Variants in RPL7A observed in about 807,000 individuals in gnomAD.
RPL7A encodes ribosomal protein L7a.
For missense variants in RPL7A, 291 were observed against 338.2 expected, an observed-to-expected ratio of 0.86 and a Z score of 1.09; for synonymous variants, 158 against 128.2, an observed-to-expected ratio of 1.23 and a Z score of -1.57.
In RPL7A at chr9:133,349,117, C is replaced by G. The variant is rs2129983587; in HGVS notation, c.124+75C>G. The G allele has an allele frequency of 5.5e-5, 86 of 1,570,434 alleles. No individual in the cohort carries two copies. In the African/African-American group the frequency reaches 1.1e-3, roughly 20 times the overall value. On this transcript the variant is annotated intron_variant, in intron 2 of 7. Coordinates refer to ENST00000323345, the MANE Select transcript of RPL7A (RefSeq NM_000972.3). ...AGGTGGTAATTGGGTTGTGTTGTAT[C>G]TTGTAGGTTTTAGTGGGTGTAAAGT...
intron 1 of RPL7A, 133 bp downstream of exon 1, chr9:133,348,379 A>T: frequency 7.8e-7 from 1 of 1,274,122 alleles, no homozygotes. Context: ...TGTGGCACGG[A>T]GACACCGAGG....
chr9:133,350,818 A>G (rs2129996327), intron 6 of RPL7A, 91 bp downstream of exon 6: 1 of 1,581,594 alleles, frequency 6.3e-7, no homozygotes, highest in Non-Finnish European at 8.7e-7. Context: ...CCAATCTTTT[A>G]GTTTAAGAAA....
intron 4 of RPL7A, 28 bp from the exon 5 acceptor site, chr9:133,350,212 G>T: frequency 6.2e-7 from 1 of 1,613,420 alleles, no homozygotes. Context: ...GGCCCTGTGA[G>T]TGCTCACAAA....
intron 3 of RPL7A, 51 bp from the exon 4 acceptor site, chr9:133,349,861 A>ACAAGGAGT: frequency 6.3e-7 from 1 of 1,599,754 alleles, no homozygotes; most frequent in Admixed American, 1.7e-5. Flanking sequence ...GTGTTAAGTG[A>ACAAGGAGT]CAAGGATTAG....
Position 133,350,012 on chromosome 9 carries a change from A to G in RPL7A, c.375A>G (p.Lys125=), listed in dbSNP as rs1836344991. Residue 125 remains lysine (K), a synonymous_variant, in exon 4 of 8, where the codon AAA becomes AAG. Transcript: ENST00000323345. Reference sequence around the variant, plus strand: ...GGGCCGAGAAGAAGGCTGCTGGCAAAGGGGACGTCCCAACGAAGAGACCAC... The same window carrying G: ...GGGCCGAGAAGAAGGCTGCTGGCAAGGGGGACGTCCCAACGAAGAGACCAC... The part of the protein sequence containing the change: ...LARAEKKAAG[K]GDVPTKRPPV... 1 of 1,613,298 alleles carries G rather than the reference A, an allele frequency of 6.2e-7. No individual in the cohort carries two copies. The highest frequency in any genetic ancestry group is 8.5e-7 in the Non-Finnish European group (1 of 1,180,038).
At chr9:133,348,568 G>T (rs1237897934) in intron 1 of RPL7A, 5 of 596,448 alleles carry the variant, frequency 8.4e-6, no homozygotes, top group Non-Finnish European at 1.5e-5. Flanking sequence ...CCGCTCCAGA[G>T]GCCTTGTGAG....
chr9:133,348,263 TC>T lies in RPL7A; in HGVS notation c.3+19del. 3 of 1,614,066 alleles carry T rather than the reference TC, an allele frequency of 1.9e-6. No homozygotes were observed. The highest frequency in any genetic ancestry group is 2.2e-5 in the South Asian group (2 of 91,084). On this transcript the variant is annotated intron_variant, in intron 1 of 7. Coordinates refer to ENST00000323345, the MANE Select transcript of RPL7A (RefSeq NM_000972.3). Reference sequence around the variant, plus strand: ...CCCAAGATGGTGAGTGAGCTGTAGTTCCGTGGCACTATAGCCAGGTTCCGGC... The same window carrying T: ...CCCAAGATGGTGAGTGAGCTGTAGTTCGTGGCACTATAGCCAGGTTCCGGC...
intron 5 of RPL7A, 58 bp downstream of exon 5, chr9:133,350,377 G>A (rs1836358241): frequency 6.3e-7 from 1 of 1,594,726 alleles, no homozygotes; most frequent in Non-Finnish European, 8.6e-7. Flanking sequence ...GGAAGAGAGA[G>A]TAGACCTAAT....
At chr9:133,348,859 G>A (rs2129981587) in intron 1 of RPL7A, 63 bp from the exon 2 acceptor site, 1 of 1,612,896 alleles carries the variant, frequency 6.2e-7, no homozygotes, top group Non-Finnish European at 8.5e-7. Context: ...GAGCCAGCCT[G>A]AGCCCTACCC....
chr9:133,348,590 G>C, intron 1 of RPL7A: 1 of 599,802 alleles, frequency 1.7e-6, no homozygotes, highest in South Asian at 1.9e-5. Context: ...GACGAGTTCT[G>C]AGCCCGCCCC....
At chr9:133,349,075 A>C (rs2129983310) in intron 2 of RPL7A, 33 bp downstream of exon 2, 1 of 1,609,238 alleles carries the variant, frequency 6.2e-7, no homozygotes, top group African/African-American at 1.3e-5. Flanking sequence ...AAAACGGTCT[A>C]TGTTTTTCTC....
At chr9:133,348,452 C>A in intron 1 of RPL7A, 1 of 704,732 alleles carries the variant, frequency 1.4e-6, no homozygotes, top group Non-Finnish European at 2.3e-6. Context: ...CCCGGGCGGC[C>A]GAGAGCGGAA....
intron 2 of RPL7A, 151 bp from the exon 3 acceptor site, chr9:133,349,400 G>C: frequency 9.8e-7 from 1 of 1,024,088 alleles, no homozygotes. Flanking sequence ...TTTGTGTGCA[G>C]ATGATGTAAA....
intron 3 of RPL7A, 102 bp from the exon 4 acceptor site, chr9:133,349,810 A>G: frequency 6.3e-7 from 1 of 1,578,974 alleles, no homozygotes; most frequent in Non-Finnish European, 8.6e-7. Flanking sequence ...TCATTAAATT[A>G]TAGTCATATA....
At position 133,350,236 on chromosome 9, in the gene RPL7A, C is replaced by T. The variant is rs2129992340; in HGVS notation, c.416-4C>T. On this transcript the variant is annotated splice_polypyrimidine_tract_variant and splice_region_variant and intron_variant, in intron 4 of 7. Transcript: ENST00000323345. ...AGTGCTCACAAAGTGGTTGTGTGTT[C>T]TAGGAGTTAACACCGTCACCACCTT... 4 of 1,613,848 alleles carry T rather than the reference C, an allele frequency of 2.5e-6. No homozygotes were observed. Among genetic ancestry groups the T allele is most frequent in the Non-Finnish European group, 3.4e-6 (4 of 1,179,984 alleles).
At chr9:133,348,292 T>A (rs2129977821) in intron 1 of RPL7A, 46 bp downstream of exon 1, 1 of 1,613,956 alleles carries the variant, frequency 6.2e-7, no homozygotes, top group Admixed American at 1.7e-5. Context: ...GTTCCGGCTG[T>A]ATCCGCTGCC....
chr9:133,350,968 A>C (rs2129997321), intron 6 of RPL7A, 34 bp from the exon 7 acceptor site: 73 of 1,612,370 alleles, frequency 4.5e-5, no homozygotes, highest in Non-Finnish European at 4.6e-5. Context: ...ACTAAGGCAA[A>C]AAACCCACTT....
rs2129989982 is a variant in RPL7A at position 133,349,950 on chromosome 9, G to A, written c.313G>A (p.Glu105Lys). 3 of 1,611,872 alleles carry A rather than the reference G, an allele frequency of 1.9e-6. No homozygotes were observed. The highest frequency in any genetic ancestry group is 2.5e-6 in the Non-Finnish European group (3 of 1,180,020). ...LLKLAHKYRP[E>K]TKQEKKQRLL... The stretch of plus-strand genomic sequence containing the variant: ...TAAGCTGGCCCACAAGTACAGACCA[G>A]AGACAAAGCAAGAGAAGAAGCAGAG... The change falls in exon 4 of 8, where the codon GAG (glutamate) becomes AAG (lysine). Residue 105 changes from glutamate to lysine, a missense_variant. Physicochemically the swap from Glu to Lys is moderately conservative, Grantham distance 56. Coordinates refer to ENST00000323345, the MANE Select transcript of RPL7A (RefSeq NM_000972.3).
At chr9:133,348,424 A>G (rs1276353929) in intron 1 of RPL7A, 178 bp downstream of exon 1, 2 of 875,494 alleles carry the variant, frequency 2.3e-6, no homozygotes, top group African/African-American at 3.4e-5. Flanking sequence ...GCACGGAGAC[A>G]TTGAGATGGA....
Sources: allele counts gnomAD v4.1 joint callset, GRCh38; gene constraint gnomAD v4.1.1; transcripts MANE v1.5; gene names NCBI Gene and HGNC (gene_info 2026-07-23, HGNC 2026-07-21).